Variants in NAV2 observed in about 807,000 individuals in gnomAD.
The protein encoded by NAV2 is neuron navigator 2.
In NAV2, 54 loss-of-function variants were observed where a neutral mutation model predicts 223.2. The observed-to-expected ratio is 0.24, with a 90% CI of 0.19 to 0.30. The LOEUF (loss-of-function observed/expected upper bound fraction) is 0.30. Among genes scored for constraint, NAV2 ranks in the 10% least tolerant of loss-of-function variants. NAV2 has a pLI of 1.00. For missense variants in NAV2, 2,806 were observed against 3,147.5 expected, an observed-to-expected ratio of 0.89 and a Z score of 2.60; for synonymous variants, 1,279 against 1,239.3, an observed-to-expected ratio of 1.03 and a Z score of -0.67.
intron 11 of NAV2, among the ~76,000 whole-genome samples, chr11:19,997,734 C>T (rs1185742135): frequency 4.6e-5 from 7 of 152,136 alleles, no homozygotes; most frequent in Non-Finnish European, 1.0e-4. Flanking sequence ...ATCAGAGACA[C>T]CAGGCTGCCC....
intron 17 of NAV2, 66 bp downstream of exon 17, chr11:20,051,399 C>T: frequency 6.8e-7 from 1 of 1,479,062 alleles, no homozygotes; most frequent in South Asian, 1.1e-5. Flanking sequence ...TGTGTGACTC[C>T]TTCATGGCTG....
At position 19,940,037 on chromosome 11, in the gene NAV2, T is replaced by C. The variant is rs558506097; in HGVS notation, c.2146+264T>C. On this transcript the variant is annotated intron_variant, in intron 8 of 37. Transcript: ENST00000349880. ...TGGTGTGCAAATCCTATTTTTAAGA[T>C]ACGTTCAGTTTTATTCATTTAGGGG... Among the ~76,000 whole-genome samples, 7 of 152,276 alleles carry C rather than the reference T, an allele frequency of 4.6e-5. No individual in the cohort carries two copies. In the South Asian group the frequency reaches 6.2e-4, roughly 14 times the overall value.
chr11:19,414,722 G>T (rs996974763), intron 1 of NAV2, among the ~76,000 whole-genome samples: 14 of 152,058 alleles, frequency 9.2e-5, no homozygotes, highest in Admixed American at 3.9e-4. Flanking sequence ...AAATGCAAAA[G>T]AATGGAAATC....
At chr11:19,699,021 A>T (rs1337378432) in intron 1 of NAV2, among the ~76,000 whole-genome samples, 1 of 152,174 alleles carries the variant, frequency 6.6e-6, no homozygotes, top group African/African-American at 2.4e-5. Context: ...ACTTCCAGCC[A>T]CCTGCTAGAG....
At chr11:20,013,139 A>G (rs1334228722) in intron 11 of NAV2, among the ~76,000 whole-genome samples, 1 of 152,200 alleles carries the variant, frequency 6.6e-6, no homozygotes, top group Non-Finnish European at 1.5e-5. Flanking sequence ...TGTGACCTTG[A>G]GCAACTTACT....
intron 1 of NAV2, chr11:19,384,987 T>A (rs914777539): frequency 6.6e-6 from 1 of 152,090 alleles, no homozygotes; most frequent in Admixed American, 6.5e-5. Context: ...TTCCTAGAAA[T>A]GCGCAATAAA....
chr11:19,675,250 G>A (rs989150219), intron 1 of NAV2, among the ~76,000 whole-genome samples: 1 of 152,072 alleles, frequency 6.6e-6, no homozygotes, highest in African/African-American at 2.4e-5. Context: ...TTAATCATAT[G>A]TTTCAAAAAT....
At chr11:19,836,554 A>G (rs1402763501) in intron 2 of NAV2, among the ~76,000 whole-genome samples, 1 of 130,968 alleles carries the variant, frequency 7.6e-6, no homozygotes, top group Admixed American at 8.0e-5. Flanking sequence ...ACAGAGCGAG[A>G]CTCTGTCTCA....
chr11:19,725,967 G>A (rs946174083), intron 1 of NAV2, among the ~76,000 whole-genome samples: 2 of 152,228 alleles, frequency 1.3e-5, no homozygotes, highest in African/African-American at 4.8e-5. Context: ...TGGCTGGGCT[G>A]CCTTGGTGCA....
At chr11:19,873,843 G>C (rs942557099) in intron 4 of NAV2, among the ~76,000 whole-genome samples, 1 of 152,184 alleles carries the variant, frequency 6.6e-6, no homozygotes, top group African/African-American at 2.4e-5. Context: ...TTGGAGAGCA[G>C]CAAGAACACA....
intron 1 of NAV2, among the ~76,000 whole-genome samples, chr11:19,416,295 C>A (rs143612515): frequency 0.027 from 4,064 of 152,222 alleles, 191 homozygotes; most frequent in African/African-American, 0.092. Context: ...TTCCTATACA[C>A]CAATAATAGA....
At chr11:19,947,208 G>C (rs1275931276) in intron 9 of NAV2, among the ~76,000 whole-genome samples, 1 of 152,182 alleles carries the variant, frequency 6.6e-6, no homozygotes, top group Non-Finnish European at 1.5e-5. Flanking sequence ...GGAAACCACA[G>C]GGCTTCCCCA....
intron 1 of NAV2, among the ~76,000 whole-genome samples, chr11:19,392,560 G>A (rs1303275963): frequency 6.6e-6 from 1 of 152,114 alleles, no homozygotes; most frequent in African/African-American, 2.4e-5. Flanking sequence ...GGATCCAGGA[G>A]GGAGCATCCT....
chr11:19,741,876 G>A lies in NAV2; in HGVS notation c.267+27914G>A, dbSNP rs376579279. The stretch of plus-strand genomic sequence containing the variant: ...TCCCTTTGGGTATATACCCAGAAGG[G>A]GGATTGCTGGGTCATACGGCATTTC... On this transcript the variant is annotated intron_variant, in intron 1 of 37. Coordinates refer to ENST00000349880, the MANE Select transcript of NAV2 (RefSeq NM_145117.5). 1.1e-4 allele frequency among the ~76,000 whole-genome samples: 16 copies of A among 152,130 alleles called. No homozygotes were observed. In the East Asian group the frequency reaches 1.4e-3, roughly 13 times the overall value.
Position 19,592,074 on chromosome 11 carries a change from T to C in NAV2, c.76-240410T>C, listed in dbSNP as rs144131751. On this transcript the variant is annotated intron_variant, in intron 1 of 37. Transcript: ENST00000360655. ...TGGCCAGCATCCACGTACGTTTGGATCATCATTGAATCTAGCTTGAAGCAG... is the reference window on the plus strand; with the variant it reads ...TGGCCAGCATCCACGTACGTTTGGACCATCATTGAATCTAGCTTGAAGCAG... 4.6e-3 allele frequency among the ~76,000 whole-genome samples: 702 copies of C among 152,188 alleles called. 6 individuals carry two copies. The highest frequency in any genetic ancestry group is 6.3e-3 in the Non-Finnish European group (430 of 68,022).
intron 1 of NAV2, chr11:19,384,918 A>G (rs1848978135): frequency 6.6e-6 from 1 of 152,240 alleles, no homozygotes; most frequent in Non-Finnish European, 1.5e-5. Context: ...ACAGACTGAA[A>G]GAATATATTT....
chr11:19,439,914 G>T (rs530633798), intron 1 of NAV2, among the ~76,000 whole-genome samples: 106 of 152,182 alleles, frequency 7.0e-4, no homozygotes, highest in African/African-American at 2.5e-3. Context: ...GGATAATGTG[G>T]GATATTGAGA....
intron 11 of NAV2, among the ~76,000 whole-genome samples, chr11:20,019,935 G>A (rs980407806): frequency 6.0e-5 from 9 of 151,112 alleles, no homozygotes; most frequent in African/African-American, 2.2e-4. Flanking sequence ...GAAGGATCAC[G>A]GAACATGAGA....
chr11:19,959,208 G>A (rs1268885658), intron 10 of NAV2, among the ~76,000 whole-genome samples: 1 of 152,150 alleles, frequency 6.6e-6, no homozygotes, highest in African/African-American at 2.4e-5. Context: ...GACCAAGGTG[G>A]GTTGAATGTT....
Sources: allele counts gnomAD v4.1 joint callset (sites outside exome capture counted in the v4.1 genomes callset), GRCh38; gene constraint gnomAD v4.1.1; transcripts MANE v1.5; gene names NCBI Gene and HGNC (gene_info 2026-07-23, HGNC 2026-07-21).